DGCR2: variants seen among roughly 807,000 people sequenced by gnomAD.
The protein encoded by DGCR2 is DiGeorge syndrome critical region gene 2.
DGCR2 carries 24 observed loss-of-function variants against 51.6 expected under a neutral mutation model. That is an observed-to-expected ratio of 0.47 (90% confidence interval 0.34 to 0.65). The LOEUF (loss-of-function observed/expected upper bound fraction) is 0.65. DGCR2 is among the 30% of genes least tolerant of loss of function. DGCR2 has a pLI of 0.01. For missense variants in DGCR2, 765 were observed against 772.1 expected, an observed-to-expected ratio of 0.99 and a Z score of 0.11; for synonymous variants, 340 against 315.4, an observed-to-expected ratio of 1.08 and a Z score of -0.82.
chr22:19,049,126 G>C (rs1161914815), intron 6 of DGCR2, among the ~76,000 whole-genome samples: 1 of 152,268 alleles, frequency 6.6e-6, no homozygotes, highest in Admixed American at 6.5e-5. Flanking sequence ...CACTGCAGAA[G>C]TGTTTGCCTG....
chr22:19,093,131 C>A (rs1048812795), intron 1 of DGCR2, among the ~76,000 whole-genome samples: 4 of 152,080 alleles, frequency 2.6e-5, no homozygotes, highest in African/African-American at 9.7e-5. Context: ...GAGCCTGAGG[C>A]GGGTAGATCA....
At chr22:19,043,391 G>A (rs2082454437) in intron 7 of DGCR2, among the ~76,000 whole-genome samples, 1 of 152,092 alleles carries the variant, frequency 6.6e-6, no homozygotes, top group African/African-American at 2.4e-5. Flanking sequence ...GCTGCCCATG[G>A]GGAGGCAGAG....
In DGCR2 at chr22:19,048,621, C is replaced by T; in HGVS notation, c.825G>A (p.Lys275=). The T allele has an allele frequency of 6.2e-7, 1 of 1,614,254 alleles. No homozygotes were observed. The highest frequency in any genetic ancestry group is 1.3e-5 in the African/African-American group (1 of 75,064). The change falls in exon 7 of 10, where the codon AAG becomes AAA. Residue 275 remains lysine, a synonymous_variant. Coordinates refer to ENST00000263196, the MANE Select transcript of DGCR2 (RefSeq NM_005137.3). Reference sequence around the variant, plus strand: ...AGAACCCTTCATCCACCACGTTGTCCTTGATGTCAACACATGTTTGACCTG... The same window carrying T: ...AGAACCCTTCATCCACCACGTTGTCTTTGATGTCAACACATGTTTGACCTG... ...CKRSQTCVDI[K]DNVVDEGFYF... is the part of the protein sequence containing the mutation.
At chr22:19,082,228 T>C (rs1252651443) in intron 2 of DGCR2, among the ~76,000 whole-genome samples, 12 of 143,112 alleles carry the variant, frequency 8.4e-5, no homozygotes, top group Admixed American at 3.5e-4. Flanking sequence ...ATTTCTTTTT[T>C]TTTTTTTTTT....
At chr22:19,065,810 T>A (rs1306418786) in intron 3 of DGCR2, 1 of 152,288 alleles carries the variant, frequency 6.6e-6, no homozygotes, top group Non-Finnish European at 1.5e-5. Context: ...AAATGTTGGG[T>A]ACCTCATATT....
At chr22:19,114,453 A>G (rs2083352752) in intron 1 of DGCR2, among the ~76,000 whole-genome samples, 1 of 152,250 alleles carries the variant, frequency 6.6e-6, no homozygotes, top group Non-Finnish European at 1.5e-5. Flanking sequence ...AGTGGCCAAG[A>G]AACCTCCAAG....
At chr22:19,061,154 C>A in intron 5 of DGCR2, 1 of 233,072 alleles carries the variant, frequency 4.3e-6, no homozygotes, top group East Asian at 1.5e-4. Context: ...TTGGGGGGGC[C>A]AACACCTCAG....
At chr22:19,039,214 G>A in intron 9 of DGCR2, 93 bp from the exon 10 acceptor site, 1 of 1,496,808 alleles carries the variant, frequency 6.7e-7, no homozygotes, top group Non-Finnish European at 9.1e-7. Context: ...CACTCCTCCT[G>A]CCTGAAGGCC....
At chr22:19,102,739 C>T (rs995454974) in intron 1 of DGCR2, among the ~76,000 whole-genome samples, 1 of 151,934 alleles carries the variant, frequency 6.6e-6, no homozygotes, top group Non-Finnish European at 1.5e-5. Context: ...GGCATGGTGG[C>T]TAATGCCTGT....
intron 6 of DGCR2, among the ~76,000 whole-genome samples, chr22:19,055,044 A>G (rs559681209): frequency 6.6e-6 from 1 of 152,302 alleles, no homozygotes; most frequent in East Asian, 1.9e-4. Context: ...TGAACCCGGG[A>G]GGCAGAGGTT....
intron 7 of DGCR2, chr22:19,048,117 C>A (rs1169709662): frequency 7.4e-6 from 3 of 402,934 alleles, no homozygotes; most frequent in African/African-American, 4.0e-5. Context: ...GGCTTAAACC[C>A]TGGAGGCGTA....
intron 3 of DGCR2, 190 bp from the exon 4 acceptor site, chr22:19,065,257 T>C (rs922449171): frequency 1.3e-5 from 8 of 594,460 alleles, no homozygotes; most frequent in Non-Finnish European, 2.1e-5. Flanking sequence ...AAAACACAGA[T>C]TCAATGATAC....
chr22:19,087,922 C>T (rs372919033), intron 2 of DGCR2, among the ~76,000 whole-genome samples: 3 of 152,180 alleles, frequency 2.0e-5, no homozygotes, highest in South Asian at 4.1e-4. Flanking sequence ...TGGCCTAAAG[C>T]GATCCACCCA....
chr22:19,084,088 C>A (rs888789688), intron 2 of DGCR2, among the ~76,000 whole-genome samples: 1 of 152,114 alleles, frequency 6.6e-6, no homozygotes, highest in African/African-American at 2.4e-5. Context: ...ACCTCCCAGC[C>A]GCCTGCCTTG....
At chr22:19,083,974 G>A (rs2082975094) in intron 2 of DGCR2, among the ~76,000 whole-genome samples, 1 of 152,086 alleles carries the variant, frequency 6.6e-6, no homozygotes, top group Admixed American at 6.5e-5. Flanking sequence ...CGCCAGCCTC[G>A]GCCTCCCGAG....
intron 6 of DGCR2, among the ~76,000 whole-genome samples, chr22:19,050,899 T>C (rs1169075338): frequency 6.6e-6 from 1 of 152,096 alleles, no homozygotes; most frequent in Non-Finnish European, 1.5e-5. Flanking sequence ...GAATAATCCA[T>C]AAAAGGAAGC....
In DGCR2 at chr22:19,038,949, A is replaced by G. The variant is rs965467908; in HGVS notation, c.1569T>C (p.Pro523=). 1.2e-6 allele frequency: 2 copies of G among 1,612,274 alleles called. No individual in the cohort carries two copies. The highest frequency in any genetic ancestry group is 2.7e-5 in the African/African-American group (2 of 74,922). ...CAGCTGGGGTGCTCCCGCTCTGGGC[A>G]GGGTCAGGGGGCACGAGCAGGGCGC... ...SSSALLVPPD[P]AQSGSTPAAE... The change falls in exon 10 of 10, where the codon CCT becomes CCC. Residue 523 remains proline, a synonymous_variant. Transcript: ENST00000263196.
intron 1 of DGCR2, among the ~76,000 whole-genome samples, chr22:19,098,296 G>A (rs2083164016): frequency 6.6e-6 from 1 of 152,004 alleles, no homozygotes; most frequent in Non-Finnish European, 1.5e-5. Context: ...TTCCTAAGCA[G>A]CCCTTCTCTG....
intron 2 of DGCR2, among the ~76,000 whole-genome samples, chr22:19,076,523 T>C (rs1414885156): frequency 6.6e-6 from 1 of 152,108 alleles, no homozygotes; most frequent in Non-Finnish European, 1.5e-5. Context: ...CTGCACCAGT[T>C]CCCATTCCTA....
Sources: allele counts gnomAD v4.1 joint callset (sites outside exome capture counted in the v4.1 genomes callset), GRCh38; gene constraint gnomAD v4.1.1; transcripts MANE v1.5; gene names NCBI Gene and HGNC (gene_info 2026-07-23, HGNC 2026-07-21).